Variants in PLXNA4 observed in about 807,000 individuals in gnomAD.
PLXNA4 encodes the protein plexin-A4.
In PLXNA4, 44 loss-of-function variants were observed where a neutral mutation model predicts 191.8. That is an observed-to-expected ratio of 0.23 (90% confidence interval 0.18 to 0.29). The LOEUF is 0.29. Ranked by LOEUF, PLXNA4 falls within the 10% of genes least tolerant of loss-of-function variation. The pLI, the probability that PLXNA4 is intolerant of heterozygous loss-of-function variation, is 1.00. For synonymous variants in PLXNA4, 1,082 were observed against 1,009.5 expected (o/e 1.07, Z -1.36); for missense variants, 1,800 against 2,488.8 (o/e 0.72, Z 5.89).
chr7:132,146,937 T>C (rs1795453044), intron 27 of PLXNA4, among the ~76,000 whole-genome samples: 1 of 152,240 alleles, frequency 6.6e-6, no homozygotes, highest in Admixed American at 6.5e-5. Context: ...CCCTTCTTCC[T>C]GTACTCTGCA....
At chr7:132,504,426 AGTTCAGGGGGAAGAATGTGG>A (rs1366637397) in intron 2 of PLXNA4, among the ~76,000 whole-genome samples, 1 of 152,144 alleles carries the variant, frequency 6.6e-6, no homozygotes, top group Non-Finnish European at 1.5e-5. Flanking sequence ...TGGAGGTGTG[AGTTCAGGGGGAAGAATGTGG>A]GTCTCAGGAT....
intron 1 of PLXNA4, among the ~76,000 whole-genome samples, chr7:132,545,149 C>T (rs1343627068): frequency 6.6e-6 from 1 of 152,244 alleles, no homozygotes; most frequent in African/African-American, 2.4e-5. Context: ...CCACCCCTCC[C>T]CCAGTGTCCT....
At chr7:132,506,500 C>A (rs763535625) in intron 2 of PLXNA4, among the ~76,000 whole-genome samples, 44 of 152,122 alleles carry the variant, frequency 2.9e-4, no homozygotes, top group Non-Finnish European at 5.3e-4. Context: ...CTTTAAAATG[C>A]ACAGTTATAA....
intron 3 of PLXNA4, among the ~76,000 whole-genome samples, chr7:132,307,126 C>T (rs1801553646): frequency 6.6e-6 from 1 of 152,106 alleles, no homozygotes. Context: ...CTCCCTCACA[C>T]CCCAGGCCCT....
rs1794816107 is a variant in PLXNA4, at chr7:132,127,900, TC to T, written c.*2578del. The T allele has an allele frequency of 6.8e-6, 1 of 147,606 alleles. No individual in the cohort carries two copies. The highest frequency in any genetic ancestry group is 2.5e-5 in the African/African-American group (1 of 40,192). 9.1% of individuals were successfully genotyped at this position (147,606 alleles called of 1,614,324 possible). ...GCCAAAGTAACAATAACAATAATCA[TC>T]ATCCAGTAAAAAATAAAAGCTTCAG... On this transcript the variant is annotated 3_prime_UTR_variant, in exon 32 of 32. Coordinates refer to ENST00000321063, the MANE Select transcript of PLXNA4 (RefSeq NM_020911.2).
intron 1 of PLXNA4, among the ~76,000 whole-genome samples, chr7:132,562,907 C>T (rs1426050524): frequency 1.7e-5 from 2 of 116,886 alleles, no homozygotes; most frequent in African/African-American, 3.7e-5. Context: ...TCCCCCTCCT[C>T]CTCCTCTTCC....
intron 1 of PLXNA4, among the ~76,000 whole-genome samples, chr7:132,528,406 C>T (rs1799494554): frequency 1.3e-5 from 2 of 152,310 alleles, no homozygotes; most frequent in South Asian, 4.1e-4. Context: ...GGAGTTCACC[C>T]TCCACACATG....
At chr7:132,351,655 A>G (rs114879451) in intron 3 of PLXNA4, among the ~76,000 whole-genome samples, 1,840 of 152,314 alleles carry the variant, frequency 0.012, 35 homozygotes, top group African/African-American at 0.042. Flanking sequence ...CAAAGCCAAC[A>G]GGAAGCACCT....
chr7:132,332,423 T>G (rs1046332221), intron 3 of PLXNA4, among the ~76,000 whole-genome samples: 1 of 152,172 alleles, frequency 6.6e-6, no homozygotes, highest in African/African-American at 2.4e-5. Flanking sequence ...ACTTGAGCCT[T>G]GTCCCGGCTG....
At chr7:132,504,134 G>A (rs548010180) in intron 2 of PLXNA4, among the ~76,000 whole-genome samples, 28 of 152,340 alleles carry the variant, frequency 1.8e-4, no homozygotes, top group African/African-American at 5.8e-4. Context: ...GAGCACAGCC[G>A]GCCTTCCCTG....
intron 4 of PLXNA4, among the ~76,000 whole-genome samples, chr7:132,263,113 T>G (rs1194192071): frequency 1.3e-5 from 2 of 152,010 alleles, no homozygotes; most frequent in Non-Finnish European, 2.9e-5. Flanking sequence ...AAAGCACAAG[T>G]CCATATGAGA....
rs534755238 is a variant in PLXNA4 at position 132,329,584 on chromosome 7, G to A, written c.1372-31362C>T. Among the ~76,000 whole-genome samples the A allele has an allele frequency of 2.0e-5, 3 of 152,318 alleles. No homozygotes were observed. In the South Asian group the frequency reaches 6.2e-4, roughly 32 times the overall value. ...GCCTGAGAGCTGGCAGCCAATTCCA[G>A]CTGCTTTTCCTCATCTGCATCATGG... On this transcript the variant is annotated intron_variant, in intron 3 of 31. Coordinates refer to ENST00000321063, the MANE Select transcript of PLXNA4 (RefSeq NM_020911.2).
chr7:132,245,877 G>C (rs1404285684), intron 4 of PLXNA4, among the ~76,000 whole-genome samples: 1 of 152,200 alleles, frequency 6.6e-6, no homozygotes, highest in African/African-American at 2.4e-5. Context: ...GAGGTGCCTA[G>C]AGTAGTCAGA....
intron 3 of PLXNA4, among the ~76,000 whole-genome samples, chr7:132,423,735 G>A (rs541509044): frequency 5.9e-5 from 9 of 152,246 alleles, no homozygotes; most frequent in African/African-American, 1.9e-4. Context: ...GAAATGATCC[G>A]ATAACAACAG....
chr7:132,139,442 C>T (rs1422217577), intron 30 of PLXNA4, among the ~76,000 whole-genome samples: 1 of 152,214 alleles, frequency 6.6e-6, no homozygotes, highest in Non-Finnish European at 1.5e-5. Flanking sequence ...GGCACCATAT[C>T]TGAGCTTCCC....
At chr7:132,380,080 A>G (rs919301968) in intron 3 of PLXNA4, among the ~76,000 whole-genome samples, 2 of 152,182 alleles carry the variant, frequency 1.3e-5, no homozygotes, top group African/African-American at 4.8e-5. Context: ...TGGCTTGAGA[A>G]TTGCTTGAGA....
At chr7:132,373,974 G>A (rs1211291325) in intron 3 of PLXNA4, among the ~76,000 whole-genome samples, 5 of 152,244 alleles carry the variant, frequency 3.3e-5, no homozygotes, top group East Asian at 1.9e-4. Flanking sequence ...TCAGGTGGCC[G>A]GGGGCTCCCC....
intron 3 of PLXNA4, among the ~76,000 whole-genome samples, chr7:132,352,833 G>A (rs1317188307): frequency 2.0e-5 from 3 of 152,134 alleles, no homozygotes; most frequent in Non-Finnish European, 4.4e-5. Context: ...CCCCTTTGCT[G>A]TACAAATTTC....
At chr7:132,268,174 G>A (rs1032817518) in intron 4 of PLXNA4, among the ~76,000 whole-genome samples, 1 of 152,208 alleles carries the variant, frequency 6.6e-6, no homozygotes. Context: ...TCCATGGTTT[G>A]CAGGGCCTTG....
Sources: allele counts gnomAD v4.1 joint callset (sites outside exome capture counted in the v4.1 genomes callset), GRCh38; gene constraint gnomAD v4.1.1; transcripts MANE v1.5; gene names NCBI Gene and HGNC (gene_info 2026-07-23, HGNC 2026-07-21).